SUGCT: variants seen among roughly 807,000 people sequenced by gnomAD.
SUGCT encodes the protein succinyl-CoA:glutarate-CoA transferase.
A neutral mutation model predicts 55.0 loss-of-function variants in SUGCT; 41 were observed. The observed-to-expected ratio is 0.74, with a 90% CI of 0.58 to 0.97. The LOEUF (loss-of-function observed/expected upper bound fraction) is 0.97, where lower values mean the gene tolerates loss of function less well. Among genes scored for constraint, SUGCT ranks in the 50% least tolerant of loss-of-function variants. The pLI is 0.00. For missense variants in SUGCT, 568 were observed against 547.8 expected (o/e 1.04, Z -0.37); for synonymous variants, 187 against 200.4 (o/e 0.93, Z 0.56).
At position 40,776,424 on chromosome 7, in the gene SUGCT, T is replaced by C. The variant is rs138093493; in HGVS notation, c.1153+26927T>C. ...CCCAAACTGATTACATCACTATTTG[T>C]ATTCATTTTAATGGTTGTTTCTCTT... On this transcript the variant is annotated intron_variant, in intron 13 of 13. Coordinates refer to ENST00000335693, the MANE Select transcript of SUGCT (RefSeq NM_001193313.2). Among the ~76,000 whole-genome samples the C allele has an allele frequency of 2.4e-3, 361 of 152,326 alleles. 5 individuals carry two copies. Among genetic ancestry groups the C allele is most frequent in the African/African-American group, 7.8e-3 (326 of 41,584 alleles).
At chr7:40,467,836 C>G (rs1389380955) in intron 11 of SUGCT, among the ~76,000 whole-genome samples, 1 of 152,056 alleles carries the variant, frequency 6.6e-6, no homozygotes. Flanking sequence ...CATTAGCCTG[C>G]ATGGCCTTTT....
chr7:40,599,566 T>C (rs1475746311), intron 12 of SUGCT, among the ~76,000 whole-genome samples: 1 of 152,190 alleles, frequency 6.6e-6, no homozygotes, highest in East Asian at 1.9e-4. Flanking sequence ...GTTTTCATTC[T>C]CTTCCTCCAA....
chr7:40,495,738 T>G (rs1199673737), intron 11 of SUGCT, among the ~76,000 whole-genome samples: 1 of 152,212 alleles, frequency 6.6e-6, no homozygotes, highest in Admixed American at 6.5e-5. Flanking sequence ...TTTTGTTGGT[T>G]AAACTGAAAT....
chr7:41,012,893 C>A, the SUGCT span, among the ~76,000 whole-genome samples: 4 of 151,864 alleles, frequency 2.6e-5, no homozygotes, highest in Non-Finnish European at 5.9e-5. Flanking sequence ...AATATTTTGA[C>A]CTTGTTTAAA....
chr7:40,375,158 C>T (rs181263287), intron 9 of SUGCT, among the ~76,000 whole-genome samples: 4 of 152,210 alleles, frequency 2.6e-5, no homozygotes, highest in South Asian at 4.2e-4. Flanking sequence ...GGTGCAGTTG[C>T]GGGTAAGTGA....
chr7:40,610,113 G>A (rs538837950), intron 12 of SUGCT, among the ~76,000 whole-genome samples: 27 of 152,200 alleles, frequency 1.8e-4, no homozygotes, highest in East Asian at 3.9e-4. Flanking sequence ...GTATTGTCTC[G>A]TCTGCAGGAC....
chr7:40,669,179 C>T (rs544917700), intron 12 of SUGCT, among the ~76,000 whole-genome samples: 7 of 152,096 alleles, frequency 4.6e-5, no homozygotes, highest in African/African-American at 1.7e-4. Context: ...GTGGTTTCCT[C>T]CTCTCCAGAA....
chr7:40,921,319 A>G, the SUGCT span, among the ~76,000 whole-genome samples: 6 of 152,304 alleles, frequency 3.9e-5, no homozygotes, highest in Admixed American at 3.9e-4. Flanking sequence ...AAAAACAAAG[A>G]AGCACAGGTC....
intron 12 of SUGCT, among the ~76,000 whole-genome samples, chr7:40,593,315 T>G (rs755182441): frequency 2.0e-5 from 3 of 152,126 alleles, no homozygotes; most frequent in Non-Finnish European, 4.4e-5. Flanking sequence ...CCATCCCACA[T>G]GCCCAGCAAC....
intron 1 of SUGCT, among the ~76,000 whole-genome samples, chr7:40,135,374 C>G (rs998089412): frequency 2.0e-5 from 3 of 152,264 alleles, no homozygotes; most frequent in Admixed American, 6.5e-5. Flanking sequence ...TCCTGCGCGT[C>G]CCGCGGCTCG....
chr7:40,676,934 T>G (rs369382688), intron 12 of SUGCT, among the ~76,000 whole-genome samples: 1 of 141,820 alleles, frequency 7.1e-6, no homozygotes, highest in African/African-American at 2.6e-5. Context: ...TGTGTGTGTG[T>G]GGTGTATAAA....
chr7:40,919,862 T>G, the SUGCT span, among the ~76,000 whole-genome samples: 1 of 152,190 alleles, frequency 6.6e-6, no homozygotes. Flanking sequence ...GCCTGACTCC[T>G]CCTGATTCTT....
chr7:40,193,447 G>A (rs1370257199), intron 5 of SUGCT, among the ~76,000 whole-genome samples: 1 of 151,882 alleles, frequency 6.6e-6, no homozygotes, highest in Non-Finnish European at 1.5e-5. Context: ...ACCACGTCCA[G>A]CTAATTTTTG....
chr7:40,694,856 C>T (rs1315735744), intron 12 of SUGCT, among the ~76,000 whole-genome samples: 1 of 152,146 alleles, frequency 6.6e-6, no homozygotes, highest in East Asian at 1.9e-4. Context: ...TACCTTTCTT[C>T]TAGAAGTACT....
At chr7:40,374,612 A>G (rs1784453161) in intron 9 of SUGCT, among the ~76,000 whole-genome samples, 1 of 152,208 alleles carries the variant, frequency 6.6e-6, no homozygotes, top group African/African-American at 2.4e-5. Context: ...CATCCTGAAT[A>G]TGAGTTAGGT....
At chr7:40,330,382 A>G (rs1796242991) in intron 9 of SUGCT, among the ~76,000 whole-genome samples, 1 of 152,246 alleles carries the variant, frequency 6.6e-6, no homozygotes, top group South Asian at 2.1e-4. Context: ...ACATTTAGAG[A>G]TGTATGAGGT....
intron 13 of SUGCT, among the ~76,000 whole-genome samples, chr7:40,834,715 A>G (rs1456611625): frequency 6.6e-6 from 1 of 152,222 alleles, no homozygotes; most frequent in African/African-American, 2.4e-5. Context: ...GTAAGCAGCC[A>G]GAATGATGAA....
In SUGCT at chr7:40,557,098, G is replaced by T. The variant is rs139330940; in HGVS notation, c.1089+60712G>T. On this transcript the variant is annotated intron_variant, in intron 12 of 13. Coordinates refer to ENST00000335693, the MANE Select transcript of SUGCT (RefSeq NM_001193313.2). ...TCCAAATTGCAAAATTTACTTCAAA[G>T]CTATAGGAATCAGAACAGTATGATC... is the stretch of plus-strand genomic sequence containing the variant. Among the ~76,000 whole-genome samples, 651 of 152,270 alleles carry T rather than the reference G, an allele frequency of 4.3e-3. 6 individuals carry two copies. Among genetic ancestry groups the T allele is most frequent in the African/African-American group, 0.015 (626 of 41,554 alleles).
At chr7:40,721,249 A>T (rs539910620) in intron 12 of SUGCT, among the ~76,000 whole-genome samples, 2 of 152,320 alleles carry the variant, frequency 1.3e-5, no homozygotes, top group Admixed American at 6.5e-5. Flanking sequence ...GTAAATATCA[A>T]TGCTGGGAGG....
Sources: allele counts gnomAD v4.1 joint callset (sites outside exome capture counted in the v4.1 genomes callset), GRCh38; gene constraint gnomAD v4.1.1; transcripts MANE v1.5; gene names NCBI Gene and HGNC (gene_info 2026-07-23, HGNC 2026-07-21).